The following TJP1 variants were observed in gnomAD, a reference collection of about 807,000 sequenced individuals.
TJP1 encodes the protein tight junction protein ZO-1.
A neutral mutation model predicts 194.2 loss-of-function variants in TJP1; 43 were observed. That is an observed-to-expected ratio of 0.22 (90% CI 0.17 to 0.29). The LOEUF (loss-of-function observed/expected upper bound fraction) is 0.29, where lower values mean the gene tolerates loss of function less well. TJP1 is among the 10% of genes least tolerant of loss of function. The pLI is 1.00. For synonymous variants in TJP1, 801 were observed against 779.0 expected, an observed-to-expected ratio of 1.03 and a Z score of -0.47; for missense variants, 1,971 against 2,185.7, an observed-to-expected ratio of 0.90 and a Z score of 1.96.
intron 2 of TJP1, among the ~76,000 whole-genome samples, chr15:29,910,366 C>T (rs796675074): frequency 1.2e-4 from 19 of 152,276 alleles, no homozygotes; most frequent in African/African-American, 4.6e-4. Flanking sequence ...TTCATTGCTA[C>T]AATACCTGAC....
intron 2 of TJP1, among the ~76,000 whole-genome samples, chr15:29,776,179 T>C (rs1055173961): frequency 6.6e-6 from 1 of 152,044 alleles, no homozygotes; most frequent in Non-Finnish European, 1.5e-5. Flanking sequence ...CAACACTACA[T>C]AAATACTCCA....
chr15:29,826,890 T>G (rs1042988922), upstream of TJP1, among the ~76,000 whole-genome samples: 1 of 152,078 alleles, frequency 6.6e-6, no homozygotes. Flanking sequence ...TGAAGGTCAA[T>G]GGGAAAATGA....
At chr15:29,836,286 T>C (rs2051026223) in intron 2 of TJP1, among the ~76,000 whole-genome samples, 2 of 152,002 alleles carry the variant, frequency 1.3e-5, no homozygotes, top group South Asian at 4.2e-4. Context: ...TTTTTTTTTT[T>C]TTTGAGAGAC....
chr15:29,908,478 T>C (rs1168704410), intron 2 of TJP1, among the ~76,000 whole-genome samples: 7 of 152,194 alleles, frequency 4.6e-5, no homozygotes, highest in Non-Finnish European at 1.0e-4. Flanking sequence ...TTCTCAGTCA[T>C]TGTACCTCCC....
chr15:29,958,012 A>G (rs1175441515), intron 1 of TJP1, among the ~76,000 whole-genome samples: 1 of 152,112 alleles, frequency 6.6e-6, no homozygotes, highest in East Asian at 1.9e-4. Context: ...CTATTGTAGG[A>G]TTTCCCACCT....
intron 2 of TJP1, among the ~76,000 whole-genome samples, chr15:29,933,172 G>T (rs1170932513): frequency 6.6e-6 from 1 of 152,068 alleles, no homozygotes; most frequent in Non-Finnish European, 1.5e-5. Context: ...ACAACAAGCT[G>T]GGTCCAAAGT....
At chr15:29,818,748 C>A (rs1284806102) in intron 1 of TJP1, among the ~76,000 whole-genome samples, 1 of 147,820 alleles carries the variant, frequency 6.8e-6, no homozygotes, top group Non-Finnish European at 1.5e-5. Flanking sequence ...GAACTCCTGA[C>A]GTCGTGATCC....
intron 23 of TJP1, 21 bp downstream of exon 23, chr15:29,716,590 A>C (rs774329926): frequency 6.4e-7 from 1 of 1,566,162 alleles, no homozygotes; most frequent in Admixed American, 1.7e-5. Context: ...CTATTTTTAA[A>C]AGCCAGGTGA....
chr15:29,963,501 TA>T (rs1408542513), intron 1 of TJP1, among the ~76,000 whole-genome samples: 28 of 152,220 alleles, frequency 1.8e-4, no homozygotes, highest in African/African-American at 6.5e-4. Flanking sequence ...TAGCAACTCT[TA>T]TTGTTTTTGG....
intron 1 of TJP1, among the ~76,000 whole-genome samples, chr15:29,809,989 C>G (rs1350711306): frequency 6.6e-6 from 1 of 152,136 alleles, no homozygotes; most frequent in Non-Finnish European, 1.5e-5. Flanking sequence ...TCCATTCTAT[C>G]TCTTCTCTGA....
At chr15:29,791,119 C>T (rs566244931) in intron 2 of TJP1, among the ~76,000 whole-genome samples, 4 of 151,020 alleles carry the variant, frequency 2.6e-5, no homozygotes, top group Admixed American at 6.6e-5. Context: ...CTCTGCCTCC[C>T]GGGTTGAAGC....
chr15:29,818,670 A>ATTTTTTTTT, intron 1 of TJP1, among the ~76,000 whole-genome samples: 1 of 124,714 alleles, frequency 8.0e-6, no homozygotes, highest in Non-Finnish European at 1.7e-5. Flanking sequence ...AGGCCCGGCT[A>ATTTTTTTTT]TTTTTTTTTT....
intron 2 of TJP1, among the ~76,000 whole-genome samples, chr15:29,890,775 T>C (rs558027682): frequency 3.3e-5 from 5 of 151,446 alleles, no homozygotes; most frequent in African/African-American, 1.2e-4. Context: ...AAGGTAATCT[T>C]ATTTCACTAC....
intron 8 of TJP1, among the ~76,000 whole-genome samples, chr15:29,753,483 C>CA (rs34221786): frequency 0.05 from 2,392 of 47,790 alleles, 192 homozygotes; most frequent in Non-Finnish European, 0.067. Flanking sequence ...GACTCTGTGT[C>CA]AAAAAAAAAA....
At chr15:29,729,688 C>T (rs575860826) in intron 15 of TJP1, among the ~76,000 whole-genome samples, 4 of 151,838 alleles carry the variant, frequency 2.6e-5, no homozygotes, top group Admixed American at 6.6e-5. Context: ...GGCGTGGTGG[C>T]GGGTGCCTGT....
intron 2 of TJP1, among the ~76,000 whole-genome samples, chr15:29,870,325 T>C (rs1457570850): frequency 1.3e-5 from 2 of 152,192 alleles, no homozygotes; most frequent in East Asian, 1.9e-4. Flanking sequence ...GAGAAAGGGA[T>C]CCAAGAGTTT....
At chr15:29,772,284 T>C in intron 3 of TJP1, 118 bp from the exon 4 acceptor site, 9 of 603,574 alleles carry the variant, frequency 1.5e-5, no homozygotes, top group East Asian at 3.2e-5. Context: ...AATTAATTAA[T>C]TTCTCTTCAG....
chr15:29,766,348 C>T lies in TJP1; in HGVS notation c.507G>A (p.Pro169=), dbSNP rs771279629. Residue 169 remains proline, a synonymous_variant, in exon 5 of 28, where the codon CCG becomes CCA. Transcript: ENST00000614355. The part of the protein sequence containing the change: ...RSASRERSLS[P]RSDRRSVASS... ...AAGCCACTGACCGCCTGTCTGACCG[C>T]GGGGACAAGCTCCTCTCTCTACTTG... is the stretch of plus-strand genomic sequence containing the variant. The T allele has an allele frequency of 1.9e-5, 31 of 1,614,110 alleles. No homozygotes were observed. Among genetic ancestry groups the T allele is most frequent in the Admixed American group, 1.0e-4 (6 of 60,012 alleles).
chr15:29,966,041 G>A (rs1266886939), intron 1 of TJP1, among the ~76,000 whole-genome samples: 1 of 152,108 alleles, frequency 6.6e-6, no homozygotes. Flanking sequence ...AAGTTACCTG[G>A]ATTTTATTTC....
Sources: gnomAD v4.1 joint callset for allele counts (sites outside exome capture counted in the v4.1 genomes callset) on GRCh38, gnomAD v4.1.1 for gene constraint, MANE v1.5 for transcripts, NCBI Gene and HGNC (gene_info 2026-07-23, HGNC 2026-07-21) for gene names.